RP1L1: variants seen among roughly 807,000 people sequenced by gnomAD.
The protein encoded by RP1L1 is retinitis pigmentosa 1-like 1 protein.
A neutral mutation model predicts 15.7 loss-of-function variants in RP1L1; 27 were observed. The observed-to-expected ratio is 1.72, with a 90% CI of 1.27 to 2.38. The LOEUF (loss-of-function observed/expected upper bound fraction) is 2.38. Ranked by LOEUF, RP1L1 falls within the 30% of genes most tolerant of loss-of-function variation. The pLI is 0.00. For missense variants in RP1L1, 4,798 were observed against 3,075.9 expected (o/e 1.56, Z -13.24); for synonymous variants, 1,813 against 1,276.7 (o/e 1.42, Z -8.96).
chr8:10,641,081 A>G (rs74301687), intron 1 of RP1L1, among the ~76,000 whole-genome samples: 1 of 152,236 alleles, frequency 6.6e-6, no homozygotes, highest in African/African-American at 2.4e-5. Context: ...AAATAACATT[A>G]ACTCATAAAA....
In RP1L1 at chr8:10,616,429, C is replaced by T. The variant is rs936162485; in HGVS notation, c.751+17G>A. The T allele has an allele frequency of 1.2e-6, 2 of 1,614,058 alleles. No individual in the cohort carries two copies. The highest frequency in any genetic ancestry group is 1.7e-5 in the Admixed American group (1 of 60,012). ...TGCAGTGCAAATCAGATGGGGGAAA[C>T]CCAAAAACCAACTCACCGTTTTTGT... is the stretch of plus-strand genomic sequence containing the variant. On this transcript the variant is annotated intron_variant, in intron 3 of 3. Transcript: ENST00000382483.
Position 10,613,031 on chromosome 8 carries a change from T to A in RP1L1, c.1067A>T (p.Asp356Val), listed in dbSNP as rs750107135. Residue 356 changes from aspartate (D) to valine (V), a missense_variant, in exon 4 of 4, where the codon GAC becomes GTC. Asp to Val is a radical substitution (Grantham distance 152, BLOSUM62 -3). Transcript: ENST00000382483. Reference protein sequence around the residue: ...ASALTAASGEDPVLGEVDPLC... With the variant: ...ASALTAASGEVPVLGEVDPLC... ...GGGGTCTACCTCCCCCAGAACGGGG[T>A]CTTCCCCACTGGCTGCCGTGAGGGC... is the stretch of plus-strand genomic sequence containing the variant. 122 of 1,613,234 alleles carry A rather than the reference T, an allele frequency of 7.6e-5. No individual in the cohort carries two copies. Among genetic ancestry groups the A allele is most frequent in the Non-Finnish European group, 1.0e-4 (121 of 1,179,976 alleles).
chr8:10,612,212 G>T lies in RP1L1; in HGVS notation c.1886C>A (p.Ser629Tyr), dbSNP rs1797875049. 6.2e-7 allele frequency: 1 copy of T among 1,613,256 alleles called. No homozygotes were observed. The highest frequency in any genetic ancestry group is 8.5e-7 in the Non-Finnish European group (1 of 1,179,956). The change falls in exon 4 of 4, where the codon TCC becomes TAC. Residue 629 changes from serine (S) to tyrosine (Y), a missense_variant. Coordinates refer to ENST00000382483, the MANE Select transcript of RP1L1 (RefSeq NM_178857.6). ...WDSEGASSTP[S>Y]TCTSSQQGQR... is the part of the protein sequence containing the mutation. ...CCCCTGCTGGGATGAAGTGCAGGTGGAAGGGGTGGAAGAGGCTCCTTCCGA... is the reference window on the plus strand; with the variant it reads ...CCCCTGCTGGGATGAAGTGCAGGTGTAAGGGGTGGAAGAGGCTCCTTCCGA...
chr8:10,610,065 C>CCA lies in RP1L1; in HGVS notation c.4032_4033insTG (p.Glu1345TrpfsTer13), dbSNP rs746035819. 1 of 1,468,620 alleles carries CCA rather than the reference C, an allele frequency of 6.8e-7. No homozygotes were observed. Among genetic ancestry groups the CCA allele is most frequent in the African/African-American group, 1.4e-5 (1 of 71,062 alleles). 91.0% of individuals were successfully genotyped at this position (1,468,620 alleles called of 1,614,324 possible). ...TCTTCTTCTTGCTGTCCTTCTCCTTCTGTTTCTTTAGTTTCCTCTAACTGC... is the reference window on the plus strand; with the variant it reads ...TCTTCTTCTTGCTGTCCTTCTCCTTCCATGTTTCTTTAGTTTCCTCTAACTGC... On this transcript the variant is annotated frameshift_variant, in exon 4 of 4. Coordinates refer to ENST00000382483, the MANE Select transcript of RP1L1 (RefSeq NM_178857.6). LOFTEE classifies it low-confidence loss of function (END_TRUNC).
intron 1 of RP1L1, among the ~76,000 whole-genome samples, chr8:10,644,393 C>T (rs146348158): frequency 1.3e-5 from 2 of 152,198 alleles, no homozygotes; most frequent in African/African-American, 4.8e-5. Context: ...GCAGCCCCAG[C>T]TGACCTTCTG....
At chr8:10,641,351 G>T (rs1421412801) in intron 1 of RP1L1, among the ~76,000 whole-genome samples, 2 of 152,166 alleles carry the variant, frequency 1.3e-5, no homozygotes, top group African/African-American at 2.4e-5. Flanking sequence ...GACCCCTGGG[G>T]GTTCTCTGGA....
rs1258579575 is a variant in RP1L1 at position 10,607,110 on chromosome 8, A to G, written c.6988T>C (p.Ser2330Pro). 6 of 1,614,032 alleles carry G rather than the reference A, an allele frequency of 3.7e-6. No homozygotes were observed. In the Middle Eastern group the frequency reaches 4.9e-4, roughly 133 times the overall value. ...CTCTCTGCATGAGGGGTCCCCGTGG[A>G]CTTGGCATCAGGGCTCCTTGTGTCT... ...LGDTRSPDAK[S>P]TGTPHAERKA... The change falls in exon 4 of 4, where the codon TCC becomes CCC. Residue 2330 changes from serine to proline, a missense_variant. Physicochemically the swap from Ser to Pro is moderately conservative, Grantham distance 74. Transcript: ENST00000382483.
At position 10,607,018 on chromosome 8, in the gene RP1L1, C is replaced by T. The variant is rs745357934; in HGVS notation, c.7080G>A (p.Arg2360=). Residue 2360 remains arginine (R), a synonymous_variant, in exon 4 of 4, where the codon AGG becomes AGA. Transcript: ENST00000382483. ...CTTCACTGGCCCCCTGCTCTGGAGT[C>T]CTTGAGCCCAAAGGGGCCTCTTCTT... ...SEQEEAPLGS[R]TPEQGASEGY... is the part of the protein sequence containing the mutation. 1.2e-5 allele frequency: 19 copies of T among 1,614,210 alleles called. No individual in the cohort carries two copies. The highest frequency in any genetic ancestry group is 1.6e-5 in the Non-Finnish European group (19 of 1,180,042).
chr8:10,647,919 C>G (rs1202286826), intron 1 of RP1L1, among the ~76,000 whole-genome samples: 2 of 152,234 alleles, frequency 1.3e-5, no homozygotes, highest in Non-Finnish European at 2.9e-5. Flanking sequence ...AAACTCCATT[C>G]TGCTGTCCAC....
intron 2 of RP1L1, among the ~76,000 whole-genome samples, chr8:10,620,720 G>A (rs981490946): frequency 6.6e-6 from 1 of 152,244 alleles, no homozygotes; most frequent in African/African-American, 2.4e-5. Context: ...GAAGTTCTGT[G>A]TTGGCTGGGG....
chr8:10,606,481 A>G lies in RP1L1; in HGVS notation c.*414T>C, dbSNP rs1032746839. On this transcript the variant is annotated 3_prime_UTR_variant, in exon 4 of 4. Transcript: ENST00000382483. ...AAAGTCAAATGAGGTGAGTGCCAAC[A>G]GAAGCCAAGGAGAAAAGTAACAGGA... 1 of 201,828 alleles carries G rather than the reference A, an allele frequency of 5.0e-6. No homozygotes were observed. Among genetic ancestry groups the G allele is most frequent in the East Asian group, 1.3e-4 (1 of 7,458 alleles). The allele number at this position is 201,828 out of a possible 1,614,324, so 12.5% of individuals were successfully genotyped here. A position where few individuals can be genotyped will look rare whatever the true frequency, so the allele number is the denominator to read the frequency against.
intron 3 of RP1L1, 72 bp from the exon 4 acceptor site, chr8:10,613,418 A>G (rs1797913774): frequency 1.3e-6 from 2 of 1,586,798 alleles, no homozygotes; most frequent in African/African-American, 1.3e-5. Flanking sequence ...AGGATAAAGG[A>G]ATAAAACAGT....
intron 1 of RP1L1, among the ~76,000 whole-genome samples, chr8:10,624,188 A>C (rs962438054): frequency 6.6e-6 from 1 of 152,186 alleles, no homozygotes; most frequent in African/African-American, 2.4e-5. Flanking sequence ...TCTGTCACTC[A>C]TCACTCCCTC....
Position 10,612,944 on chromosome 8 carries a change from C to G in RP1L1, c.1154G>C (p.Arg385Pro), listed in dbSNP as rs776738391. The stretch of plus-strand genomic sequence containing the variant: ...TTCCCTGCATCCCACCCTGCAGGGC[C>G]GGGGTCCCCACACCCCAGGCTCTGA... ...GFSEPGVWGP[R>P]PCRVGCREVF... Residue 385 changes from arginine to proline, a missense_variant, in exon 4 of 4, where the codon CGG becomes CCG. Physicochemically the swap from Arg to Pro is moderately radical, Grantham distance 103. Coordinates refer to ENST00000382483, the MANE Select transcript of RP1L1 (RefSeq NM_178857.6). 3 of 1,612,940 alleles carry G rather than the reference C, an allele frequency of 1.9e-6. No individual in the cohort carries two copies. Among genetic ancestry groups the G allele is most frequent in the East Asian group, 4.5e-5 (2 of 44,890 alleles).
chr8:10,622,835 T>C lies in RP1L1; in HGVS notation c.367A>G (p.Asn123Asp), dbSNP rs1798086835. Reference protein sequence around the residue: ...PSGPGRPQERNPTAQQLRDVE... With the variant: ...PSGPGRPQERDPTAQQLRDVE... The stretch of plus-strand genomic sequence containing the variant: ...TCCCGCAACTGCTGAGCAGTGGGGT[T>C]TCTCTCCTGTGGCCGGCCTGGTCCA... The change falls in exon 2 of 4, where the codon AAC (asparagine) becomes GAC (aspartate). Residue 123 changes from asparagine (N) to aspartate (D), a missense_variant. By Grantham distance (23) the Asn-to-Asp change is conservative. Transcript: ENST00000382483. 2 of 1,613,262 alleles carry C rather than the reference T, an allele frequency of 1.2e-6. No homozygotes were observed. The highest frequency in any genetic ancestry group is 1.7e-6 in the Non-Finnish European group (2 of 1,179,400).
intron 1 of RP1L1, among the ~76,000 whole-genome samples, chr8:10,638,644 A>G (rs1372722062): frequency 6.6e-6 from 1 of 152,152 alleles, no homozygotes; most frequent in Non-Finnish European, 1.5e-5. Context: ...GATCTACTTG[A>G]TATATACTGG....
chr8:10,650,385 A>C (rs1798541057), intron 1 of RP1L1, among the ~76,000 whole-genome samples: 3 of 152,206 alleles, frequency 2.0e-5, no homozygotes, highest in Admixed American at 2.0e-4. Context: ...CAAAGGGGCC[A>C]ACAAGACACA....
chr8:10,641,757 T>G (rs555040567), intron 1 of RP1L1, among the ~76,000 whole-genome samples: 2 of 152,368 alleles, frequency 1.3e-5, no homozygotes, highest in South Asian at 2.1e-4. Flanking sequence ...AATACTCAGA[T>G]GTCCTTCAAA....
At position 10,608,885 on chromosome 8, in the gene RP1L1, G is replaced by C; in HGVS notation, c.5213C>G (p.Pro1738Arg). Residue 1738 changes from proline (P) to arginine (R), a missense_variant, in exon 4 of 4, where the codon CCT becomes CGT. Pro to Arg is a moderately radical substitution (Grantham distance 103, BLOSUM62 -2). Transcript: ENST00000382483. ...GCCATCCTCACCCTCGTCCACTCCA[G>C]GCCCCTGGCTCAGCCCCGGCCCCAG... ...GGLGPGLSQGPGVDEGEDGEG... is the reference protein window; with the variant it reads ...GGLGPGLSQGRGVDEGEDGEG... The C allele has an allele frequency of 6.2e-7, 1 of 1,613,862 alleles. No homozygotes were observed. The highest frequency in any genetic ancestry group is 8.5e-7 in the Non-Finnish European group (1 of 1,180,006).
Sources: allele counts gnomAD v4.1 joint callset (sites outside exome capture counted in the v4.1 genomes callset), GRCh38; gene constraint gnomAD v4.1.1; transcripts MANE v1.5; gene names NCBI Gene and HGNC (gene_info 2026-07-23, HGNC 2026-07-21).